Variants in ZNF768 observed in about 807,000 individuals in gnomAD.
The protein encoded by ZNF768 is zinc finger protein 768.
In ZNF768, 12 loss-of-function variants were observed where a neutral mutation model predicts 39.7. The observed-to-expected ratio is 0.30, with a 90% CI of 0.19 to 0.49. ZNF768 has a LOEUF of 0.49. ZNF768 is among the 20% of genes least tolerant of loss of function. The pLI is 0.99. For synonymous variants in ZNF768, 360 were observed against 288.4 expected (o/e 1.25, Z -2.52); for missense variants, 613 against 723.2 (o/e 0.85, Z 1.75).
Position 30,525,120 on chromosome 16 carries a change from AGAGT to A in ZNF768, c.1016_1019del (p.His339LeufsTer221), listed in dbSNP as rs1266019089. Reference sequence around the variant, plus strand: ...GTGGGCACTTGTAGGGCTTCTGGCCAGAGTGAGTGCGCTGGTGGCGAAGCAGGTA... The same window carrying A: ...GTGGGCACTTGTAGGGCTTCTGGCCAGAGTGCGCTGGTGGCGAAGCAGGTA... On this transcript the variant is annotated frameshift_variant, in exon 2 of 2. Transcript: ENST00000380412. LOFTEE classifies it high-confidence loss of function. 1 of 1,613,366 alleles carries A rather than the reference AGAGT, an allele frequency of 6.2e-7. No individual in the cohort carries two copies. Among genetic ancestry groups the A allele is most frequent in the Non-Finnish European group, 8.5e-7 (1 of 1,179,756 alleles).
chr16:30,531,605 T>A (rs1361637675), upstream of ZNF768: 2 of 151,900 alleles, frequency 1.3e-5, no homozygotes, highest in Admixed American at 1.3e-4. Flanking sequence ...CTGATCAACA[T>A]AGTGGGAACC....
the ZNF768 span, chr16:30,532,197 C>A: frequency 2.4e-5 from 12 of 492,482 alleles, no homozygotes; most frequent in Non-Finnish European, 4.3e-5. Flanking sequence ...AAACAAGGTT[C>A]TTCTCTACCT....
chr16:30,527,841 G>A (rs2051342171), upstream of ZNF768: 1 of 152,172 alleles, frequency 6.6e-6, no homozygotes, highest in Admixed American at 6.6e-5. Context: ...TCCAGGTGAG[G>A]GTGATACAAA....
chr16:30,527,201 C>T, upstream of ZNF768: 2 of 985,408 alleles, frequency 2.0e-6, no homozygotes, highest in Non-Finnish European at 2.4e-6. Context: ...CCGGGACGGA[C>T]TCCCCTTGGC....
chr16:30,532,164 TA>T, the ZNF768 span: 1 of 366,360 alleles, frequency 2.7e-6, no homozygotes, highest in Non-Finnish European at 5.0e-6. Context: ...ATTAAAAAAG[TA>T]AAAAGAAAAA....
chr16:30,524,978 G>A lies in ZNF768; in HGVS notation c.1162C>T (p.Leu388=). Residue 388 remains leucine, a synonymous_variant, in exon 2 of 2, where the codon CTG becomes TTG. Transcript: ENST00000380412. ...CGKCYSQNSS[L]RSHQRVHTGQ... is the part of the protein sequence containing the mutation. ...GTGTGCACCCTCTGATGGCTGCGCA[G>A]GGACGAGTTCTGGCTATAGCACTTG... The A allele has an allele frequency of 6.2e-7, 1 of 1,614,010 alleles. No individual in the cohort carries two copies.
upstream of ZNF768, chr16:30,527,245 A>G (rs1376867302): frequency 1.0e-6 from 1 of 985,516 alleles, no homozygotes; most frequent in African/African-American, 1.7e-5. Context: ...GACCCCCTCC[A>G]GGAACTCCGC....
chr16:30,524,407 T>G lies in ZNF768; in HGVS notation c.*110A>C. The stretch of plus-strand genomic sequence containing the variant: ...CCCTGGTTCTCTTCTTCCAGCATCC[T>G]CAGCTCCTCCATTCTCCTGCGGCTT... On this transcript the variant is annotated 3_prime_UTR_variant, in exon 2 of 2. Coordinates refer to ENST00000380412, the MANE Select transcript of ZNF768 (RefSeq NM_024671.4). The G allele has an allele frequency of 6.8e-7, 1 of 1,464,390 alleles. No individual in the cohort carries two copies. The highest frequency in any genetic ancestry group is 1.4e-5 in the African/African-American group (1 of 70,844). The allele number at this position is 1,464,390 out of a possible 1,614,324, so 90.7% of individuals were successfully genotyped here. A position where few individuals can be genotyped will look rare whatever the true frequency, so the allele number is the denominator to read the frequency against.
In ZNF768 at chr16:30,524,696, C is replaced by A. The variant is rs779839168; in HGVS notation, c.1444G>T (p.Glu482Ter). ...LIQHQRSHTG[E>*]RPYRCAVCGK... ...CACACGGCGCACCTGTAGGGCCGCT[C>A]GCCCGTGTGGGAGCGCTGGTGCTGG... is the stretch of plus-strand genomic sequence containing the variant. The change falls in exon 2 of 2, where the codon GAG becomes TAG. Residue 482 changes from glutamate (E) to a stop codon, truncating the protein, a stop_gained. Transcript: ENST00000380412. LOFTEE classifies it high-confidence loss of function. 1 of 1,613,078 alleles carries A rather than the reference C, an allele frequency of 6.2e-7. No homozygotes were observed. The highest frequency in any genetic ancestry group is 8.5e-7 in the Non-Finnish European group (1 of 1,179,754).
upstream of ZNF768, among the ~76,000 whole-genome samples, chr16:30,528,724 A>C (rs2051348245): frequency 6.6e-6 from 1 of 152,220 alleles, no homozygotes; most frequent in South Asian, 2.1e-4. Context: ...ATGGTCCAGC[A>C]CTAGAGCCCA....
chr16:30,529,736 G>T (rs1351503855), upstream of ZNF768, among the ~76,000 whole-genome samples: 1 of 151,826 alleles, frequency 6.6e-6, no homozygotes, highest in East Asian at 1.9e-4. Flanking sequence ...CCCAGCCGTG[G>T]TTCTCTCAAA....
In ZNF768 at chr16:30,524,211, C is replaced by A; in HGVS notation, c.*306G>T. 1 of 221,278 alleles carries A rather than the reference C, an allele frequency of 4.5e-6. No individual in the cohort carries two copies. The highest frequency in any genetic ancestry group is 5.5e-5 in the Admixed American group (1 of 18,138). 13.7% of individuals were successfully genotyped at this position (221,278 alleles called of 1,614,324 possible). A position where few individuals can be genotyped will look rare whatever the true frequency, so the allele number is the denominator to read the frequency against. On this transcript the variant is annotated 3_prime_UTR_variant, in exon 2 of 2. Transcript: ENST00000380412. Reference sequence around the variant, plus strand: ...CCCACTCTAATTAGGTAATCCCCTGCCCTCCCCCCTCCCTGCTCTAGCAGT... The same window carrying A: ...CCCACTCTAATTAGGTAATCCCCTGACCTCCCCCCTCCCTGCTCTAGCAGT...
Position 30,525,785 on chromosome 16 carries a change from G to A in ZNF768, c.355C>T (p.Pro119Ser), listed in dbSNP as rs373338712. 1.9e-6 allele frequency: 3 copies of A among 1,566,368 alleles called. No individual in the cohort carries two copies. Among genetic ancestry groups the A allele is most frequent in the East Asian group, 2.2e-5 (1 of 44,546 alleles). ...SQSPEFESQS[P>S]RYEPQSPGYE... The stretch of plus-strand genomic sequence containing the variant: ...CCAGGGCTTTGGGGTTCATACCTAG[G>A]GCTCTGGGATTCAAACTCAGGGCTC... The change falls in exon 2 of 2, where the codon CCT becomes TCT. Residue 119 changes from proline (P) to serine (S), a missense_variant. By Grantham distance (74) the Pro-to-Ser change is moderately conservative. This residue lies in a region of ZNF768 where 347 missense variants were observed against 326.1 expected (regional missense o/e 1.06). Transcript: ENST00000380412.
chr16:30,532,336 T>G, the ZNF768 span: 1 of 793,098 alleles, frequency 1.3e-6, no homozygotes, highest in Non-Finnish European at 2.0e-6. Flanking sequence ...GGGAGCAAGG[T>G]GCTGGCAGAA....
Position 30,525,601 on chromosome 16 carries a change from G to A in ZNF768, c.539C>T (p.Pro180Leu), listed in dbSNP as rs2051314964. 2 of 1,614,252 alleles carry A rather than the reference G, an allele frequency of 1.2e-6. No homozygotes were observed. Among genetic ancestry groups the A allele is most frequent in the African/African-American group, 1.3e-5 (1 of 75,056 alleles). ...FQEGAEMLLN[P>L]EEKSPLNISV... ...GATATTCAAAGGACTCTTTTCCTCG[G>A]GGTTCAGAAGCATCTCCGCACCTTC... Residue 180 changes from proline (P) to leucine (L), a missense_variant, in exon 2 of 2, where the codon CCC becomes CTC. Transcript: ENST00000380412.
chr16:30,524,623 A>G lies in ZNF768; in HGVS notation c.1517T>C (p.Val506Ala). ...CTTGTAAGGCCGCTCGCCACTGTGG[A>G]CCCGGTGATGCTGCAGAAGCGTGGA... ...RSSTLLQHHR[V>A]HSGERPYKCD... The change falls in exon 2 of 2, where the codon GTC becomes GCC. Residue 506 changes from valine to alanine, a missense_variant. Transcript: ENST00000380412. The G allele has an allele frequency of 6.2e-7, 1 of 1,612,508 alleles. No individual in the cohort carries two copies. The highest frequency in any genetic ancestry group is 8.5e-7 in the Non-Finnish European group (1 of 1,179,786).
upstream of ZNF768, among the ~76,000 whole-genome samples, chr16:30,530,002 T>G (rs1007162922): frequency 6.6e-6 from 1 of 151,950 alleles, no homozygotes; most frequent in Admixed American, 6.6e-5. This position sits in a 1 kb window ranked among gnomAD's most constrained non-coding sequence, Gnocchi z 4.4. Flanking sequence ...TTTTTTAAAA[T>G]GTATCCTTAG....
At position 30,524,475 on chromosome 16, in the gene ZNF768, TTA is replaced by T. The variant is rs894078271; in HGVS notation, c.*40_*41del. 1 of 1,568,404 alleles carries T rather than the reference TTA, an allele frequency of 6.4e-7. No individual in the cohort carries two copies. Among genetic ancestry groups the T allele is most frequent in the African/African-American group, 1.4e-5 (1 of 74,068 alleles). On this transcript the variant is annotated 3_prime_UTR_variant, in exon 2 of 2. Transcript: ENST00000380412. ...AAGGTTCCTCTAGCTCCCTGGCCCC[TTA>T]TCTTCTGCCCACACCTCCCACCCCT...
rs1341843837 is a variant in ZNF768, at chr16:30,526,443, G to A, written c.-30C>T. 1.3e-6 allele frequency: 2 copies of A among 1,523,438 alleles called. No homozygotes were observed. The highest frequency in any genetic ancestry group is 2.1e-5 in the Admixed American group (1 of 47,008). 94.4% of individuals were successfully genotyped at this position (1,523,438 alleles called of 1,614,324 possible). On this transcript the variant is annotated 5_prime_UTR_variant, in exon 1 of 2. Coordinates refer to ENST00000380412, the MANE Select transcript of ZNF768 (RefSeq NM_024671.4). Reference sequence around the variant, plus strand: ...GCGGGCTCCCAGTGCAGCGGCGGCGGCGATGGCGGCCGATCCCGCGACCCG... The same window carrying A: ...GCGGGCTCCCAGTGCAGCGGCGGCGACGATGGCGGCCGATCCCGCGACCCG...
Sources: gnomAD v4.1 joint callset for allele counts (sites outside exome capture counted in the v4.1 genomes callset) on GRCh38, gnomAD v4.1.1 for gene constraint, gnomAD v4.1.1 regional missense constraint, Gnocchi (gnomAD v3.1) non-coding constraint, MANE v1.5 for transcripts, NCBI Gene and HGNC (gene_info 2026-07-23, HGNC 2026-07-21) for gene names.